OPHN1: variants seen among roughly 807,000 people sequenced by gnomAD.
The protein encoded by OPHN1 is oligophrenin-1.
OPHN1 carries 11 observed loss-of-function variants against 60.7 expected under a neutral mutation model. That is an observed-to-expected ratio of 0.18 (90% CI 0.11 to 0.30). OPHN1 has a LOEUF of 0.30. Ranked by LOEUF, OPHN1 falls within the 10% of genes least tolerant of loss-of-function variation. OPHN1 has a pLI of 1.00. For missense variants in OPHN1, 449 were observed against 611.0 expected, an observed-to-expected ratio of 0.73 and a Z score of 2.80; for synonymous variants, 226 against 222.6, an observed-to-expected ratio of 1.02 and a Z score of -0.14.
chrX:68,255,181 A>C (rs1338052916), intron 5 of OPHN1, among the ~76,000 whole-genome samples: 3 of 109,749 alleles, frequency 2.7e-5, no homozygotes, highest in Non-Finnish European at 5.7e-5. Flanking sequence ...GAAACTTCTA[A>C]CTGCCTGCCT....
In OPHN1 at chrX:68,360,718, G is replaced by C. The variant is rs1468446231; in HGVS notation, c.155-61622C>G. On this transcript the variant is annotated intron_variant, in intron 2 of 24. Transcript: ENST00000355520. ...GGATGTCTTGAGCCCGGGAGGTGGG[G>C]GTTGCAGTGAGTGAAGATCATGCCA... Among the ~76,000 whole-genome samples the C allele has an allele frequency of 3.3e-4, 37 of 110,903 alleles. 1 individual carries two copies. The highest frequency in any genetic ancestry group is 1.1e-4 in the Non-Finnish European group (6 of 53,006).
intron 2 of OPHN1, chrX:68,360,932 C>T (rs1440574266): frequency 8.9e-6 from 1 of 111,844 alleles, no homozygotes; most frequent in Non-Finnish European, 1.9e-5. Context: ...ATAAGGGACT[C>T]GAGAAAGAAA....
intron 2 of OPHN1, among the ~76,000 whole-genome samples, chrX:68,399,777 C>A (rs1330077799): frequency 1.8e-5 from 2 of 111,056 alleles, no homozygotes; most frequent in Admixed American, 9.6e-5. Context: ...TGGGCAACTA[C>A]TCCATACCTT....
intron 15 of OPHN1, among the ~76,000 whole-genome samples, chrX:68,136,310 T>TG (rs1555942934): frequency 1.6e-3 from 121 of 76,145 alleles, no homozygotes; most frequent in Middle Eastern, 7.4e-3. Flanking sequence ...TTTTTTTTTT[T>TG]TTTTTGTTTT....
intron 2 of OPHN1, among the ~76,000 whole-genome samples, chrX:68,333,050 T>TC (rs1475223999): frequency 2.7e-5 from 3 of 110,653 alleles, no homozygotes; most frequent in African/African-American, 9.9e-5. Context: ...CACTAAAACT[T>TC]CAAGTTCACA....
chrX:68,360,565 G>T (rs1038676130), intron 2 of OPHN1, among the ~76,000 whole-genome samples: 4 of 110,964 alleles, frequency 3.6e-5, no homozygotes, highest in African/African-American at 9.8e-5. Context: ...TGAGGTGGGA[G>T]GATCGCTTGA....
At chrX:68,422,622 A>G (rs1444990749) in intron 2 of OPHN1, among the ~76,000 whole-genome samples, 1 of 98,639 alleles carries the variant, frequency 1.0e-5, no homozygotes, top group Admixed American at 1.1e-4. Context: ...GAGAGAGAGA[A>G]AGAAAGAAAA....
intron 2 of OPHN1, among the ~76,000 whole-genome samples, chrX:68,314,105 A>G (rs2078186829): frequency 1.8e-5 from 2 of 112,292 alleles, no homozygotes; most frequent in South Asian, 7.3e-4. Flanking sequence ...ATGCCAACCA[A>G]TTGGATTGCC....
intron 2 of OPHN1, among the ~76,000 whole-genome samples, chrX:68,318,424 T>C (rs1296716336): frequency 1.8e-5 from 2 of 112,005 alleles, no homozygotes; most frequent in Non-Finnish European, 3.8e-5. Flanking sequence ...AATTCTAAAA[T>C]GTATATGGAA....
chrX:68,082,980 C>T (rs1335526870), intron 19 of OPHN1, among the ~76,000 whole-genome samples: 1 of 107,897 alleles, frequency 9.3e-6, no homozygotes, highest in African/African-American at 3.4e-5. Context: ...CAGCACTTGT[C>T]GCTTCACCTT....
intron 2 of OPHN1, among the ~76,000 whole-genome samples, chrX:68,331,870 C>T (rs1040212749): frequency 2.7e-5 from 3 of 109,888 alleles, no homozygotes; most frequent in Non-Finnish European, 3.8e-5. Flanking sequence ...TCTGTCTCTA[C>T]TAAAACTACA....
intron 2 of OPHN1, among the ~76,000 whole-genome samples, chrX:68,362,731 C>A (rs991223149): frequency 9.0e-6 from 1 of 110,907 alleles, no homozygotes; most frequent in South Asian, 3.8e-4. Flanking sequence ...CATGTCACTA[C>A]GCATTTGTCA....
intron 10 of OPHN1, among the ~76,000 whole-genome samples, chrX:68,203,018 G>C (rs1317209800): frequency 9.1e-6 from 1 of 110,230 alleles, no homozygotes; most frequent in Non-Finnish European, 1.9e-5. Flanking sequence ...CAGCACTTTG[G>C]GAGGCCAAGG....
intron 2 of OPHN1, among the ~76,000 whole-genome samples, chrX:68,386,277 C>A (rs7065212): frequency 0.34 from 37,372 of 110,331 alleles, 8,167 homozygotes; most frequent in African/African-American, 0.81. Context: ...GCCAACATTT[C>A]AATAGAATCT....
chrX:68,274,460 C>A (rs1180082257), intron 5 of OPHN1, among the ~76,000 whole-genome samples: 14 of 111,749 alleles, frequency 1.3e-4, no homozygotes, highest in Non-Finnish European at 1.1e-4. Context: ...GAGGCCAATT[C>A]TAGATTTTCT....
At chrX:68,182,188 G>GTTTTTTTTTTT (rs397951860) in intron 15 of OPHN1, among the ~76,000 whole-genome samples, 1 of 46,131 alleles carries the variant, frequency 2.2e-5, no homozygotes, top group African/African-American at 8.3e-5. Context: ...AAGCTCTGTA[G>GTTTTTTTTTTT]TTTTTTTTTT....
At chrX:68,231,256 C>T (rs909954333) in intron 6 of OPHN1, among the ~76,000 whole-genome samples, 2 of 111,533 alleles carry the variant, frequency 1.8e-5, no homozygotes, top group African/African-American at 6.5e-5. Context: ...TAGGTTGGTG[C>T]AAAAGGAACT....
Position 68,063,956 on chromosome X carries a change from G to A in OPHN1, c.2056C>T (p.Pro686Ser), listed in dbSNP as rs139691746. 3.4e-4 allele frequency: 411 copies of A among 1,206,509 alleles called. No homozygotes were observed. In the African/African-American group the frequency reaches 6.2e-3, roughly 18 times the overall value. ...GGCATGGGTCCATTGGTGGCCTTTG[G>A]GGTGATCTTGGTCCCTCCATCCTGC... Reference protein sequence around the residue: ...RLQDGGTKITPKATNGPMPGS... With the variant: ...RLQDGGTKITSKATNGPMPGS... The change falls in exon 21 of 25, where the codon CCA (proline) becomes TCA (serine). Residue 686 changes from proline to serine, a missense_variant. Around this residue, in one of 4 missense-constraint regions of OPHN1, gnomAD observed 184 missense variants for 160.5 expected, o/e 1.15. Transcript: ENST00000355520.
At chrX:68,314,904 T>C (rs975144678) in intron 2 of OPHN1, among the ~76,000 whole-genome samples, 1 of 105,320 alleles carries the variant, frequency 9.5e-6, no homozygotes, top group African/African-American at 3.5e-5. Flanking sequence ...GAGAACCGCT[T>C]GAACCCAGGA....
Sources: gnomAD v4.1 joint callset for allele counts (sites outside exome capture counted in the v4.1 genomes callset) on GRCh38, gnomAD v4.1.1 for gene constraint, gnomAD v4.1.1 regional missense constraint, MANE v1.5 for transcripts, NCBI Gene and HGNC (gene_info 2026-07-23, HGNC 2026-07-21) for gene names.